The following CLCA4 variants were observed in gnomAD, a reference collection of about 807,000 sequenced individuals.
CLCA4 encodes calcium-activated chloride channel regulator 4.
A neutral mutation model predicts 78.9 loss-of-function variants in CLCA4; 69 were observed. The observed-to-expected ratio is 0.87, with a 90% CI of 0.72 to 1.07. CLCA4 has a LOEUF of 1.07. Among genes scored for constraint, CLCA4 ranks in the 50% least tolerant of loss-of-function variants. The pLI is 0.00. For missense variants in CLCA4, 1,133 were observed against 1,095.8 expected, an observed-to-expected ratio of 1.03 and a Z score of -0.48; for synonymous variants, 362 against 375.8, an observed-to-expected ratio of 0.96 and a Z score of 0.42.
chr1:86,572,648 G>C lies in CLCA4; in HGVS notation c.1395G>C (p.Gln465His), dbSNP rs200652451. The change falls in exon 9 of 14, where the codon CAG becomes CAC. Residue 465 changes from glutamine (Q) to histidine (H), a missense_variant. Physicochemically the swap from Gln to His is conservative, Grantham distance 24. Transcript: ENST00000370563. ...ATTTTTATGTTTCAGATGAAGCTCA[G>C]AACAATGGCCTCATTGATGCTTTTG... Reference protein sequence around the residue: ...GSHFYVSDEAQNNGLIDAFGA... With the variant: ...GSHFYVSDEAHNNGLIDAFGA... 753 of 1,608,468 alleles carry C rather than the reference G, an allele frequency of 4.7e-4. 3 individuals are homozygous for C. The highest frequency in any genetic ancestry group is 5.7e-4 in the Non-Finnish European group (666 of 1,175,538).
At chr1:86,578,363 G>A (rs55815132) in intron 12 of CLCA4, among the ~76,000 whole-genome samples, 4,865 of 151,978 alleles carry the variant, frequency 0.032, 192 homozygotes, top group East Asian at 0.21. Flanking sequence ...AGGTAAACTC[G>A]TGTCATGGCG....
Position 86,560,298 on chromosome 1 carries a change from T to C in CLCA4, c.388T>C (p.Tyr130His). 6.2e-7 allele frequency: 1 copy of C among 1,614,056 alleles called. No homozygotes were observed. Among genetic ancestry groups the C allele is most frequent in the Non-Finnish European group, 8.5e-7 (1 of 1,179,934 alleles). The change falls in exon 3 of 14, where the codon TAC (tyrosine) becomes CAC (histidine). Residue 130 changes from tyrosine to histidine, a missense_variant. By Grantham distance (83) the Tyr-to-His change is moderately conservative. Coordinates refer to ENST00000370563, the MANE Select transcript of CLCA4 (RefSeq NM_012128.4). ...CACAGAATGTGGAGAGAAAGGCGAA[T>C]ACATTCACTTCACCCCTGACCTTCT... ...QFTECGEKGEYIHFTPDLLLG... is the reference protein window; with the variant it reads ...QFTECGEKGEHIHFTPDLLLG...
chr1:86,573,306 G>C, intron 9 of CLCA4, among the ~76,000 whole-genome samples: 1 of 151,934 alleles, frequency 6.6e-6, no homozygotes, highest in South Asian at 2.1e-4. Flanking sequence ...TCTGGGTCTT[G>C]ATAGCACCAC....
At position 86,572,684 on chromosome 1, in the gene CLCA4, A is replaced by T; in HGVS notation, c.1431A>T (p.Thr477=). 6.2e-7 allele frequency: 1 copy of T among 1,606,624 alleles called. No individual in the cohort carries two copies. The highest frequency in any genetic ancestry group is 1.3e-5 in the African/African-American group (1 of 74,852). ...TCATTGATGCTTTTGGGGCTCTTAC[A>T]TCAGGAAATACTGATCTCTCCCAGA... ...NGLIDAFGAL[T]SGNTDLSQKS... The change falls in exon 9 of 14, where the codon ACA becomes ACT. Residue 477 remains threonine (T), a synonymous_variant. Coordinates refer to ENST00000370563, the MANE Select transcript of CLCA4 (RefSeq NM_012128.4).
intron 8 of CLCA4, among the ~76,000 whole-genome samples, chr1:86,572,018 A>G (rs1046301776): frequency 4.6e-5 from 7 of 152,026 alleles, no homozygotes; most frequent in Non-Finnish European, 8.8e-5. Flanking sequence ...GGCCATTGTA[A>G]AATTTATTTC....
chr1:86,548,236 T>C (rs1649554997), intron 1 of CLCA4, among the ~76,000 whole-genome samples: 1 of 152,218 alleles, frequency 6.6e-6, no homozygotes, highest in Admixed American at 6.5e-5. Context: ...GACATTTGTT[T>C]GTCTTCTTTT....
At chr1:86,553,080 C>T (rs1392165062) in intron 1 of CLCA4, 3 of 695,462 alleles carry the variant, frequency 4.3e-6, no homozygotes, top group Admixed American at 4.5e-5. Context: ...GGTCCAGCGG[C>T]GCCCACCCTG....
intron 8 of CLCA4, chr1:86,571,539 G>A: frequency 8.7e-6 from 2 of 228,768 alleles, no homozygotes; most frequent in Non-Finnish European, 1.7e-5. Context: ...GTTGTATAGA[G>A]CCAGGGAAAG....
chr1:86,561,493 G>T (rs1051447182), intron 3 of CLCA4, among the ~76,000 whole-genome samples: 1 of 152,136 alleles, frequency 6.6e-6, no homozygotes, highest in African/African-American at 2.4e-5. Context: ...GCTCAGTGAA[G>T]CACTCAAAGC....
rs1225352432 is a variant in CLCA4, at chr1:86,560,370, G to A, written c.448+12G>A. On this transcript the variant is annotated intron_variant, in intron 3 of 13. Transcript: ENST00000370563. Reference sequence around the variant, plus strand: ...ATATGGACCACCAGGTAGAAATTTTGGTTAAAAAATAATTTTGCAGTGATT... The same window carrying A: ...ATATGGACCACCAGGTAGAAATTTTAGTTAAAAAATAATTTTGCAGTGATT... 1 of 1,612,754 alleles carries A rather than the reference G, an allele frequency of 6.2e-7. No individual in the cohort carries two copies. Among genetic ancestry groups the A allele is most frequent in the South Asian group, 1.1e-5 (1 of 90,920 alleles).
intron 11 of CLCA4, among the ~76,000 whole-genome samples, chr1:86,576,364 A>G (rs1650522251): frequency 6.6e-6 from 1 of 151,866 alleles, no homozygotes; most frequent in Non-Finnish European, 1.5e-5. Flanking sequence ...AAGGTCAACA[A>G]AAGAGAAAAG....
At chr1:86,552,699 C>A (rs1483606795) in intron 1 of CLCA4, 7 of 1,255,312 alleles carry the variant, frequency 5.6e-6, no homozygotes, top group Non-Finnish European at 8.1e-6. Flanking sequence ...CACGGGGTGA[C>A]CGGAGCCAAG....
intron 9 of CLCA4, among the ~76,000 whole-genome samples, chr1:86,574,058 C>T (rs750481817): frequency 2.5e-4 from 38 of 152,016 alleles, no homozygotes; most frequent in Non-Finnish European, 5.2e-4. Context: ...ATGGTTGGCT[C>T]TTCTGGACTA....
rs1205985109 is a variant in CLCA4, at chr1:86,554,911, G to A, written c.160-5021G>A. 2.0e-5 allele frequency among the ~76,000 whole-genome samples: 3 copies of A among 150,240 alleles called. No individual in the cohort carries two copies. In the East Asian group the frequency reaches 5.9e-4, roughly 29 times the overall value. On this transcript the variant is annotated intron_variant, in intron 1 of 13. Transcript: ENST00000370563. ...ATAGCCATTCTAACTGGTATGAGAT[G>A]ATATCTCATGGTGGGTTTTTTTGTG... is the stretch of plus-strand genomic sequence containing the variant.
intron 11 of CLCA4, among the ~76,000 whole-genome samples, 181 bp from the exon 12 acceptor site, chr1:86,577,721 C>G (rs566088439): frequency 2.0e-5 from 3 of 152,034 alleles, no homozygotes; most frequent in Admixed American, 6.6e-5. Context: ...ATCGAAATAG[C>G]TCAAGGGTGT....
intron 1 of CLCA4, chr1:86,552,894 G>C: frequency 1.4e-6 from 1 of 691,336 alleles, no homozygotes; most frequent in Admixed American, 2.1e-5. Context: ...GTTTTCTTGA[G>C]GGCCATCCAT....
At chr1:86,548,801 A>T (rs1444170780) in intron 1 of CLCA4, among the ~76,000 whole-genome samples, 2 of 152,278 alleles carry the variant, frequency 1.3e-5, no homozygotes, top group East Asian at 3.9e-4. Context: ...AGGAAGTTAA[A>T]AGCAGTGTGG....
intron 1 of CLCA4, among the ~76,000 whole-genome samples, chr1:86,558,746 G>A (rs944539348): frequency 2.6e-5 from 4 of 152,116 alleles, no homozygotes; most frequent in Non-Finnish European, 5.9e-5. Context: ...ATGAGAACAG[G>A]ATGGGGAAGA....
At chr1:86,552,795 G>T (rs549594482) in intron 1 of CLCA4, 5 of 1,145,906 alleles carry the variant, frequency 4.4e-6, no homozygotes, top group East Asian at 4.8e-5. Flanking sequence ...GGCTGTCCAC[G>T]CCTGAAAACA....
Sources: gnomAD v4.1 joint callset for allele counts (sites outside exome capture counted in the v4.1 genomes callset) on GRCh38, gnomAD v4.1.1 for gene constraint, MANE v1.5 for transcripts, NCBI Gene and HGNC (gene_info 2026-07-23, HGNC 2026-07-21) for gene names.